Variants in REDIC1 observed in about 807,000 individuals in gnomAD.
The protein encoded by REDIC1 is HEI10 Interacting Protein 1.
the REDIC1 span, among the ~76,000 whole-genome samples, chr12:39,766,445 G>C: frequency 6.6e-6 from 1 of 152,042 alleles, no homozygotes; most frequent in Non-Finnish European, 1.5e-5. Flanking sequence ...CCTTTCACAA[G>C]TCATCATCTT....
At chr12:39,692,345 C>A in the REDIC1 span, among the ~76,000 whole-genome samples, 2 of 151,746 alleles carry the variant, frequency 1.3e-5, no homozygotes, top group Non-Finnish European at 3.0e-5. Context: ...ACAGATAACC[C>A]TCATACTCCC....
At chr12:39,885,250 A>G in the REDIC1 span, among the ~76,000 whole-genome samples, 1 of 152,158 alleles carries the variant, frequency 6.6e-6, no homozygotes, top group Non-Finnish European at 1.5e-5. Context: ...AACACAGACT[A>G]ACCTCACTTG....
At chr12:39,799,011 C>T in the REDIC1 span, among the ~76,000 whole-genome samples, 1 of 150,254 alleles carries the variant, frequency 6.7e-6, no homozygotes, top group Non-Finnish European at 1.5e-5. Context: ...CTACCATCTT[C>T]TCCCCATTAT....
chr12:39,712,867 GTATATAC>G, the REDIC1 span, among the ~76,000 whole-genome samples: 1 of 13,708 alleles, frequency 7.3e-5, no homozygotes, highest in African/African-American at 1.1e-4. Flanking sequence ...GTATATACAC[GTATATAC>G]ACGTATATAC....
the REDIC1 span, among the ~76,000 whole-genome samples, chr12:39,751,793 A>G: frequency 1.7e-3 from 262 of 152,274 alleles, no homozygotes; most frequent in African/African-American, 6.1e-3. Context: ...TCAGCAAACT[A>G]TCACAAGGAC....
chr12:39,820,758 T>C, the REDIC1 span, among the ~76,000 whole-genome samples: 438 of 9,410 alleles, frequency 0.047, 17 homozygotes, highest in African/African-American at 0.25. Flanking sequence ...TATATATATA[T>C]ATATATATAT....
the REDIC1 span, among the ~76,000 whole-genome samples, chr12:39,634,817 G>A: frequency 5.3e-5 from 8 of 152,100 alleles, no homozygotes; most frequent in Admixed American, 2.0e-4. Context: ...CTTCTGCACA[G>A]CAAAAGAAAC....
the REDIC1 span, among the ~76,000 whole-genome samples, chr12:39,900,857 C>T: frequency 6.6e-6 from 1 of 152,104 alleles, no homozygotes; most frequent in Non-Finnish European, 1.5e-5. Context: ...TCATATGCAA[C>T]CAAAAAAGAT....
At chr12:39,712,241 TATGTAC>T in the REDIC1 span, among the ~76,000 whole-genome samples, 1 of 143,798 alleles carries the variant, frequency 7.0e-6, no homozygotes, top group African/African-American at 2.5e-5. Context: ...CCTATATGTA[TATGTAC>T]ATACATATAT....
At chr12:39,750,476 A>G in the REDIC1 span, among the ~76,000 whole-genome samples, 3 of 152,166 alleles carry the variant, frequency 2.0e-5, no homozygotes, top group African/African-American at 7.2e-5. Flanking sequence ...TGTGAAAATG[A>G]CCATACTGCC....
At chr12:39,747,973 T>C in the REDIC1 span, among the ~76,000 whole-genome samples, 1 of 152,148 alleles carries the variant, frequency 6.6e-6, no homozygotes, top group Non-Finnish European at 1.5e-5. Flanking sequence ...CTGCAAAATC[T>C]TGCCAAATTG....
chr12:39,701,909 A>T, the REDIC1 span, among the ~76,000 whole-genome samples: 35 of 152,224 alleles, frequency 2.3e-4, 1 homozygote, highest in Non-Finnish European at 2.9e-5. Flanking sequence ...AAGACACAAC[A>T]TACCAGAATC....
the REDIC1 span, among the ~76,000 whole-genome samples, chr12:39,761,724 AGGGACAAAGAC>A: frequency 6.6e-6 from 1 of 152,056 alleles, no homozygotes; most frequent in Non-Finnish European, 1.5e-5. Flanking sequence ...TTTAGCAGGG[AGGGACAAAGAC>A]GGGATAGTAA....
chr12:39,682,519 C>T, the REDIC1 span: 10 of 858,330 alleles, frequency 1.2e-5, no homozygotes, highest in South Asian at 3.1e-4. Context: ...TTAGTAGCAA[C>T]TCAATATGTC....
the REDIC1 span, among the ~76,000 whole-genome samples, chr12:39,814,038 T>C: frequency 6.6e-6 from 1 of 152,226 alleles, no homozygotes; most frequent in South Asian, 2.1e-4. Flanking sequence ...TGTAAAACTA[T>C]AATCATATCT....
At chr12:39,812,154 G>A in the REDIC1 span, among the ~76,000 whole-genome samples, 1 of 152,020 alleles carries the variant, frequency 6.6e-6, no homozygotes, top group Non-Finnish European at 1.5e-5. Context: ...TGTCTGGTGA[G>A]GGTCTGCTCC....
At chr12:39,887,117 A>T in the REDIC1 span, among the ~76,000 whole-genome samples, 24 of 152,350 alleles carry the variant, frequency 1.6e-4, no homozygotes, top group Non-Finnish European at 1.9e-4. Context: ...CACAGAACAA[A>T]ATGTAAACCC....
At chr12:39,756,211 C>T in the REDIC1 span, 1 of 151,952 alleles carries the variant, frequency 6.6e-6, no homozygotes, top group Admixed American at 6.6e-5. Context: ...GCAGCAGCTA[C>T]ATATGAGCTA....
chr12:39,709,229 T>G, the REDIC1 span, among the ~76,000 whole-genome samples: 11 of 147,850 alleles, frequency 7.4e-5, no homozygotes, highest in South Asian at 6.3e-4. Context: ...CTTATGTGTT[T>G]TTTTTTTTTT....
Sources: allele counts gnomAD v4.1 joint callset (sites outside exome capture counted in the v4.1 genomes callset), GRCh38; gene constraint gnomAD v4.1.1; transcripts MANE v1.5; gene names NCBI Gene and HGNC (gene_info 2026-07-23, HGNC 2026-07-21).